PSMA6: variants seen among roughly 807,000 people sequenced by gnomAD.
PSMA6 encodes proteasome subunit alpha type-6.
For missense variants in PSMA6, 170 were observed against 294.8 expected (o/e 0.58, Z 3.10); for synonymous variants, 88 against 97.7 (o/e 0.90, Z 0.59).
intron 4 of PSMA6, among the ~76,000 whole-genome samples, chr14:35,311,472 G>T (rs1002168300): frequency 3.3e-5 from 5 of 152,164 alleles, no homozygotes; most frequent in African/African-American, 1.2e-4. Context: ...TCAGTGTAAT[G>T]ATTTCTGTTT....
chr14:35,309,115 A>T, intron 3 of PSMA6, 120 bp downstream of exon 3: 1 of 754,206 alleles, frequency 1.3e-6, no homozygotes, highest in South Asian at 1.9e-5. Flanking sequence ...AAGTGCCATG[A>T]GTGGATTTGC....
At chr14:35,299,913 G>A (rs1256983114) in intron 1 of PSMA6, among the ~76,000 whole-genome samples, 2 of 152,300 alleles carry the variant, frequency 1.3e-5, no homozygotes, top group South Asian at 2.1e-4. Context: ...TAACTGCCTA[G>A]GAGAGCCGGG....
At chr14:35,295,633 A>G (rs1192792639) in intron 1 of PSMA6, among the ~76,000 whole-genome samples, 1 of 151,816 alleles carries the variant, frequency 6.6e-6, no homozygotes, top group South Asian at 2.1e-4. Flanking sequence ...TGCAGTTTTA[A>G]TAGAGATGGG....
intron 1 of PSMA6, among the ~76,000 whole-genome samples, chr14:35,280,350 A>G (rs1215766008): frequency 1.3e-5 from 2 of 151,024 alleles, no homozygotes; most frequent in African/African-American, 4.9e-5. Context: ...TTCCAACTCC[A>G]TCCACATTTT....
At chr14:35,292,263 G>T (rs1013454517), upstream of PSMA6, 2 of 1,359,856 alleles carry the variant, frequency 1.5e-6, no homozygotes, top group African/African-American at 1.5e-5. Context: ...ACCTTCAAAG[G>T]CCTCCCGCCC....
intron 1 of PSMA6, among the ~76,000 whole-genome samples, chr14:35,285,261 G>A (rs922115847): frequency 2.6e-5 from 4 of 151,282 alleles, no homozygotes; most frequent in Non-Finnish European, 1.5e-5. Flanking sequence ...TGGGAGGATC[G>A]CCTGGGAGGC....
Position 35,314,427 on chromosome 14 carries a change from G to A in PSMA6, c.655G>A (p.Val219Ile), listed in dbSNP as rs768158066. The change falls in exon 6 of 7, where the codon GTA (valine) becomes ATA (isoleucine). Residue 219 changes from valine to isoleucine, a missense_variant. Transcript: ENST00000261479. ...CAAACCTTCAGAAATAGAAGTTGGA[G>A]TAGTGACAGTTGAAAATCCTAAATT... is the stretch of plus-strand genomic sequence containing the variant. ...DFKPSEIEVG[V>I]VTVENPKFRI... 10 of 1,611,532 alleles carry A rather than the reference G, an allele frequency of 6.2e-6. No homozygotes were observed. Among genetic ancestry groups the A allele is most frequent in the African/African-American group, 1.3e-5 (1 of 74,876 alleles).
intron 1 of PSMA6, among the ~76,000 whole-genome samples, chr14:35,305,503 G>GT (rs2051805556): frequency 1.3e-5 from 2 of 152,084 alleles, no homozygotes; most frequent in South Asian, 4.1e-4. Context: ...CTCTTAAATA[G>GT]TTAGCCATTT....
upstream of PSMA6, chr14:35,292,350 T>G (rs371186129): frequency 3.3e-6 from 5 of 1,523,444 alleles, no homozygotes; most frequent in East Asian, 2.3e-5. Context: ...GAGTTCGGCA[T>G]GCAAGAGCGG....
At chr14:35,278,712 C>A in exon 1 of PSMA6, 1 of 1,534,220 alleles carries the variant, frequency 6.5e-7, no homozygotes, top group Non-Finnish European at 8.7e-7. Flanking sequence ...GGCAGGTCTT[C>A]GGAGAGGTAA....
chr14:35,301,792 CTT>C (rs1374729485), intron 1 of PSMA6, among the ~76,000 whole-genome samples: 2 of 152,150 alleles, frequency 1.3e-5, no homozygotes, highest in African/African-American at 2.4e-5. Context: ...GGAAGATACT[CTT>C]TTGTGGCTTT....
At chr14:35,297,414 A>G (rs2051618781) in intron 1 of PSMA6, among the ~76,000 whole-genome samples, 1 of 151,882 alleles carries the variant, frequency 6.6e-6, no homozygotes, top group African/African-American at 2.4e-5. Flanking sequence ...ACGGGGTTTC[A>G]CCGTGTTAGC....
At chr14:35,308,579 G>A (rs991165422) in intron 2 of PSMA6, 3 of 267,354 alleles carry the variant, frequency 1.1e-5, no homozygotes, top group Non-Finnish European at 2.1e-5. Flanking sequence ...CAGCTGTGTG[G>A]ACAGAATTAA....
At chr14:35,311,398 C>G (rs1408823187) in intron 4 of PSMA6, among the ~76,000 whole-genome samples, 1 of 152,144 alleles carries the variant, frequency 6.6e-6, no homozygotes, top group Non-Finnish European at 1.5e-5. Flanking sequence ...AATAAATTAG[C>G]CTGAAAAATT....
At chr14:35,309,922 A>G (rs1192988043) in intron 3 of PSMA6, among the ~76,000 whole-genome samples, 2 of 152,086 alleles carry the variant, frequency 1.3e-5, no homozygotes, top group African/African-American at 4.8e-5. Context: ...CAGTGAGCCA[A>G]GATCATGAGA....
At chr14:35,284,157 C>G (rs1460806972) in intron 1 of PSMA6, among the ~76,000 whole-genome samples, 1 of 152,120 alleles carries the variant, frequency 6.6e-6, no homozygotes, top group Non-Finnish European at 1.5e-5. Context: ...TTCATTTGTA[C>G]CCTAATCCAA....
Position 35,303,981 on chromosome 14 carries a change from C to CT in PSMA6, c.77-4003dup, listed in dbSNP as rs987167087. On this transcript the variant is annotated intron_variant, in intron 1 of 6. Transcript: ENST00000261479. ...AGTGTAAGCTAGAGATAATTTCTTT[C>CT]TTTTTTTTTTAGACGGAGTCTCGCT... 8.9e-3 allele frequency among the ~76,000 whole-genome samples: 1,284 copies of CT among 143,992 alleles called. 16 individuals carry two copies. Among genetic ancestry groups the CT allele is most frequent in the African/African-American group, 0.03 (1,189 of 39,276 alleles). The allele number at this position is 143,992 out of a possible 152,430, so 94.5% of individuals were successfully genotyped here.
chr14:35,286,629 G>A (rs1340101556), intron 1 of PSMA6, among the ~76,000 whole-genome samples: 2 of 152,130 alleles, frequency 1.3e-5, no homozygotes, highest in African/African-American at 2.4e-5. Flanking sequence ...CTATAGAGGG[G>A]TTCATGTATA....
intron 1 of PSMA6, among the ~76,000 whole-genome samples, chr14:35,283,025 A>G (rs1318294385): frequency 6.6e-6 from 1 of 151,942 alleles, no homozygotes; most frequent in Non-Finnish European, 1.5e-5. Context: ...TGTATTTTTT[A>G]GTGGAGTCAG....
Sources: allele counts gnomAD v4.1 joint callset (sites outside exome capture counted in the v4.1 genomes callset), GRCh38; gene constraint gnomAD v4.1.1; transcripts MANE v1.5; gene names NCBI Gene and HGNC (gene_info 2026-07-23, HGNC 2026-07-21).